Variants in CFAP43 observed in about 807,000 individuals in gnomAD.
The protein encoded by CFAP43 is cilia- and flagella-associated protein 43.
CFAP43 carries 155 observed loss-of-function variants against 218.9 expected under a neutral mutation model. That is an observed-to-expected ratio of 0.71 (90% confidence interval 0.62 to 0.81). The LOEUF is 0.81. Among genes scored for constraint, CFAP43 ranks in the 30% least tolerant of loss-of-function variants. The pLI is 0.00. For missense variants in CFAP43, 1,778 were observed against 1,954.3 expected (o/e 0.91, Z 1.70); for synonymous variants, 645 against 681.3 (o/e 0.95, Z 0.83).
rs543820277 is a variant in CFAP43, at chr10:104,179,623, G to A, written c.2382+217C>T. Among the ~76,000 whole-genome samples the A allele has an allele frequency of 3.9e-5, 6 of 152,278 alleles. No homozygotes were observed. In the South Asian group the frequency reaches 8.3e-4, roughly 21 times the overall value. On this transcript the variant is annotated intron_variant, in intron 18 of 37. Transcript: ENST00000357060. ...ATTGTTGGGTTGCATGTCAGCCTACGTACAGTTCTTAAAGCTCATATAACT... is the reference window on the plus strand; with the variant it reads ...ATTGTTGGGTTGCATGTCAGCCTACATACAGTTCTTAAAGCTCATATAACT...
intron 12 of CFAP43, among the ~76,000 whole-genome samples, chr10:104,190,265 A>G (rs373375775): frequency 2.2e-4 from 33 of 151,384 alleles, no homozygotes; most frequent in African/African-American, 8.0e-4. Context: ...CTAGGAATTC[A>G]AGGCTATAGT....
chr10:104,207,545 A>G, intron 6 of CFAP43, 120 bp downstream of exon 6: 1 of 934,038 alleles, frequency 1.1e-6, no homozygotes, highest in Non-Finnish European at 1.6e-6. Context: ...GCACAGTAAC[A>G]GCCAGAGGAT....
At position 104,141,003 on chromosome 10, in the gene CFAP43, T is replaced by C; in HGVS notation, c.4272-2A>G. ...AATCTCACTTTCTCTTCCTGTAATC[T>C]GAATTGAAAAGTACTTCAAAGCAAG... On this transcript the variant is annotated splice_acceptor_variant, in intron 33 of 37. Transcript: ENST00000357060. LOFTEE classifies it high-confidence loss of function. The C allele has an allele frequency of 6.2e-7, 1 of 1,606,262 alleles. No homozygotes were observed. The highest frequency in any genetic ancestry group is 8.5e-7 in the Non-Finnish European group (1 of 1,176,928).
rs1352813670 is a variant in CFAP43, at chr10:104,132,121, C to T, written c.4672G>A (p.Asp1558Asn). 3 of 1,599,668 alleles carry T rather than the reference C, an allele frequency of 1.9e-6. No individual in the cohort carries two copies. Among genetic ancestry groups the T allele is most frequent in the Non-Finnish European group, 1.7e-6 (2 of 1,174,228 alleles). The change falls in exon 36 of 38, where the codon GAT becomes AAT. Residue 1558 changes from aspartate to asparagine, a missense_variant. Coordinates refer to ENST00000357060, the MANE Select transcript of CFAP43 (RefSeq NM_025145.7). ...CCAACGTCTTTGAGACTTACCTTAT[C>T]TAAAACAGCAATGGTTTGTTCCATT... is the stretch of plus-strand genomic sequence containing the variant. ...GIMEQTIAVL[D>N]KMHKKNVENC...
intron 34 of CFAP43, among the ~76,000 whole-genome samples, chr10:104,139,650 T>C (rs969297460): frequency 3.3e-5 from 5 of 152,052 alleles, no homozygotes; most frequent in African/African-American, 1.2e-4. Flanking sequence ...CTTTCAACAA[T>C]GAAGGTGATT....
In CFAP43 at chr10:104,158,477, A is replaced by G. The variant is rs539832776; in HGVS notation, c.3540+2560T>C. On this transcript the variant is annotated intron_variant, in intron 27 of 37. Transcript: ENST00000357060. Reference sequence around the variant, plus strand: ...CTGCACCTAAATCTAATCATGAGAAACCAATCAAATTCAACTTGGGGGACA... The same window carrying G: ...CTGCACCTAAATCTAATCATGAGAAGCCAATCAAATTCAACTTGGGGGACA... 9.7e-4 allele frequency among the ~76,000 whole-genome samples: 147 copies of G among 152,268 alleles called. 4 individuals carry two copies. Among genetic ancestry groups the G allele is most frequent in the Middle Eastern group, 6.8e-3 (2 of 294 alleles).
intron 27 of CFAP43, among the ~76,000 whole-genome samples, chr10:104,155,279 G>T (rs143772887): frequency 1.7e-4 from 26 of 152,240 alleles, no homozygotes; most frequent in African/African-American, 6.3e-4. Context: ...TCATCCAAGG[G>T]CAACAACATT....
chr10:104,185,402 A>G (rs566531321), intron 15 of CFAP43, among the ~76,000 whole-genome samples: 1 of 152,258 alleles, frequency 6.6e-6, no homozygotes, highest in Admixed American at 6.5e-5. Flanking sequence ...TCACCAATTT[A>G]TAATAGGAAA....
intron 3 of CFAP43, among the ~76,000 whole-genome samples, chr10:104,214,864 G>A (rs548839662): frequency 3.3e-5 from 5 of 152,270 alleles, no homozygotes; most frequent in South Asian, 4.1e-4. Context: ...GGTGCCAGGC[G>A]CGGTGGCTCA....
At chr10:104,147,187 G>A (rs1464767154) in intron 29 of CFAP43, among the ~76,000 whole-genome samples, 1 of 150,564 alleles carries the variant, frequency 6.6e-6, no homozygotes, top group Non-Finnish European at 1.5e-5. Flanking sequence ...CTCTGAGATG[G>A]TATCCTCATC....
At chr10:104,221,929 T>C (rs1464685380) in intron 3 of CFAP43, among the ~76,000 whole-genome samples, 1 of 152,174 alleles carries the variant, frequency 6.6e-6, no homozygotes, top group Non-Finnish European at 1.5e-5. Flanking sequence ...TATAGCACAT[T>C]GTCTTTGCTT....
At position 104,168,749 on chromosome 10, in the gene CFAP43, G is replaced by GA. The variant is rs779197642; in HGVS notation, c.2685dup (p.Leu896SerfsTer2). The GA allele has an allele frequency of 2.5e-6, 4 of 1,613,582 alleles. No individual in the cohort carries two copies. Among genetic ancestry groups the GA allele is most frequent in the South Asian group, 2.2e-5 (2 of 91,068 alleles). ...CCTAGGGTTCTATCTGTTACCTTAA[G>GA]AGCTCGACCTTTCACAGCCATCGAA... On this transcript the variant is annotated frameshift_variant, in exon 21 of 38. Coordinates refer to ENST00000357060, the MANE Select transcript of CFAP43 (RefSeq NM_025145.7). LOFTEE classifies it high-confidence loss of function.
intron 17 of CFAP43, among the ~76,000 whole-genome samples, chr10:104,182,157 T>C (rs2089867162): frequency 6.6e-6 from 1 of 152,208 alleles, no homozygotes; most frequent in Non-Finnish European, 1.5e-5. Context: ...ATGGTTTAAA[T>C]GAGATCTGAA....
chr10:104,135,324 C>T (rs1039395125), intron 34 of CFAP43, among the ~76,000 whole-genome samples: 1 of 152,116 alleles, frequency 6.6e-6, no homozygotes, highest in African/African-American at 2.4e-5. Flanking sequence ...AGGAACGAGA[C>T]AAGGATGTCC....
rs1564788668 is a variant in CFAP43 at position 104,198,021 on chromosome 10, G to A, written c.1113C>T (p.Tyr371=). 9 of 1,608,358 alleles carry A rather than the reference G, an allele frequency of 5.6e-6. No homozygotes were observed. The highest frequency in any genetic ancestry group is 1.1e-5 in the South Asian group (1 of 90,828). ...TTAAGGTTGGCTCCTTACCAAAAGT[G>A]TAGATATAAACAGATCCCTGATAAA... ...IQTDKGSVYI[Y]TFGKEPTLNK... is the part of the protein sequence containing the mutation. Residue 371 remains tyrosine (Y), a synonymous_variant, in exon 9 of 38, where the codon TAC becomes TAT. Transcript: ENST00000357060.
intron 29 of CFAP43, among the ~76,000 whole-genome samples, chr10:104,147,341 C>T (rs904701429): frequency 6.6e-6 from 1 of 151,876 alleles, no homozygotes; most frequent in Non-Finnish European, 1.5e-5. Flanking sequence ...TTTACTAATA[C>T]TACTAACAAA....
In CFAP43 at chr10:104,190,169, A is replaced by G. The variant is rs2090166693; in HGVS notation, c.1547-1759T>C. On this transcript the variant is annotated intron_variant, in intron 12 of 37. Transcript: ENST00000357060. ...AAAAAAAAAAAAAAAAGGAAACAAA[A>G]ACAAAACAGAGAACAAGCCAGGCTT... is the stretch of plus-strand genomic sequence containing the variant. Among the ~76,000 whole-genome samples the G allele has an allele frequency of 3.3e-5, 5 of 150,968 alleles. No individual in the cohort carries two copies. In the South Asian group the frequency reaches 1.0e-3, roughly 31 times the overall value.
chr10:104,184,021 T>A (rs1462149109), intron 16 of CFAP43, among the ~76,000 whole-genome samples: 3 of 152,236 alleles, frequency 2.0e-5, no homozygotes, highest in Non-Finnish European at 4.4e-5. Flanking sequence ...AAGGGCCGTA[T>A]TTTATTACTG....
At chr10:104,145,012 T>G (rs1390504271) in intron 31 of CFAP43, among the ~76,000 whole-genome samples, 1 of 152,224 alleles carries the variant, frequency 6.6e-6, no homozygotes, top group Non-Finnish European at 1.5e-5. Context: ...CAATAATACA[T>G]TCTGCAGTAA....
Sources: gnomAD v4.1 joint callset for allele counts (sites outside exome capture counted in the v4.1 genomes callset) on GRCh38, gnomAD v4.1.1 for gene constraint, MANE v1.5 for transcripts, NCBI Gene and HGNC (gene_info 2026-07-23, HGNC 2026-07-21) for gene names.